Variants in NRXN3 observed in about 807,000 individuals in gnomAD.
NRXN3 encodes neurexin III.
In NRXN3, 32 loss-of-function variants were observed where a neutral mutation model predicts 137.6. That is an observed-to-expected ratio of 0.23 (90% CI 0.18 to 0.31). The LOEUF is 0.31. NRXN3 is among the 10% of genes least tolerant of loss of function. The pLI is 1.00. For synonymous variants in NRXN3, 798 were observed against 784.5 expected, an observed-to-expected ratio of 1.02 and a Z score of -0.29; for missense variants, 1,574 against 2,062.5, an observed-to-expected ratio of 0.76 and a Z score of 4.59.
intron 15 of NRXN3, chr14:79,281,642 T>C (rs1466289242): frequency 2.6e-5 from 4 of 152,082 alleles, no homozygotes; most frequent in Admixed American, 6.5e-5. Flanking sequence ...TGAACTGTTA[T>C]AAAGTAGCCT....
Position 78,943,616 on chromosome 14 carries a change from AAAAAAATATATAT to A in NRXN3, c.2276-13624_2276-13612del, listed in dbSNP as rs1255607034. Reference sequence around the variant, plus strand: ...AAAGAAGCAAGATCACTGTTAAAAAAAAAAAATATATATATATATATATATATATATATATATA... The same window carrying A: ...AAAGAAGCAAGATCACTGTTAAAAAAATATATATATATATATATATATATA... On this transcript the variant is annotated intron_variant, in intron 10 of 20. Coordinates refer to ENST00000335750, the MANE Select transcript of NRXN3 (RefSeq NM_001330195.2). Among the ~76,000 whole-genome samples the A allele has an allele frequency of 6.8e-4, 28 of 41,020 alleles. 1 individual carries two copies. The highest frequency in any genetic ancestry group is 2.3e-3 in the Admixed American group (9 of 3,844). The allele number at this position is 41,020 out of a possible 152,430, so 26.9% of individuals were successfully genotyped here. A position where few individuals can be genotyped will look rare whatever the true frequency, so the allele number is the denominator to read the frequency against.
Position 78,731,607 on chromosome 14 carries a change from A to ATG in NRXN3, c.2044+16488_2044+16489dup, listed in dbSNP as rs149686835. Among the ~76,000 whole-genome samples, 948 of 148,832 alleles carry ATG rather than the reference A, an allele frequency of 6.4e-3. 10 individuals are homozygous for ATG. The highest frequency in any genetic ancestry group is 0.019 in the African/African-American group (751 of 40,486). On this transcript the variant is annotated intron_variant, in intron 8 of 20. Coordinates refer to ENST00000335750, the MANE Select transcript of NRXN3 (RefSeq NM_001330195.2). ...TTATTTTGGGAATGTGTATATATAT[A>ATG]TGTGTGTGTGTGTGTGTGTGTCTCT... is the stretch of plus-strand genomic sequence containing the variant.
intron 9 of NRXN3, among the ~76,000 whole-genome samples, chr14:78,808,361 C>T (rs1184177908): frequency 6.6e-6 from 1 of 152,170 alleles, no homozygotes. Flanking sequence ...TATGCAGAAG[C>T]CGAAGACAAA....
At chr14:78,312,817 A>G (rs1007413884) in intron 4 of NRXN3, among the ~76,000 whole-genome samples, 2 of 152,208 alleles carry the variant, frequency 1.3e-5, no homozygotes, top group Non-Finnish European at 2.9e-5. Flanking sequence ...CAAGTGTCAA[A>G]GTCATTTGTA....
At chr14:78,508,863 A>T (rs2096051143) in intron 4 of NRXN3, among the ~76,000 whole-genome samples, 1 of 152,246 alleles carries the variant, frequency 6.6e-6, no homozygotes, top group Admixed American at 6.5e-5. Flanking sequence ...ACAATAAAAA[A>T]ATAGATTTTA....
At chr14:79,014,110 T>A (rs2099575397) in intron 15 of NRXN3, among the ~76,000 whole-genome samples, 1 of 152,182 alleles carries the variant, frequency 6.6e-6, no homozygotes, top group South Asian at 2.1e-4. Context: ...CCTCTCTTTT[T>A]TTAAACTTTT....
At position 78,601,317 on chromosome 14, in the gene NRXN3, C is replaced by T. The variant is rs552149471; in HGVS notation, c.758-43803C>T. Among the ~76,000 whole-genome samples, 11 of 152,270 alleles carry T rather than the reference C, an allele frequency of 7.2e-5. No homozygotes were observed. In the South Asian group the frequency reaches 2.3e-3, roughly 32 times the overall value. ...GAAGTTCTCAACTGATACCCAGAGC[C>T]ATTCTTTTTGGTCATATGCCAATTT... On this transcript the variant is annotated intron_variant, in intron 4 of 20. Transcript: ENST00000335750.
chr14:78,322,344 C>T (rs2079488003), intron 4 of NRXN3, among the ~76,000 whole-genome samples: 1 of 152,006 alleles, frequency 6.6e-6, no homozygotes, highest in African/African-American at 2.4e-5. Context: ...AAGGGGTGAT[C>T]ATTCCTCCTG....
chr14:79,346,860 CA>C (rs1480830754), intron 15 of NRXN3, among the ~76,000 whole-genome samples: 6 of 152,174 alleles, frequency 3.9e-5, no homozygotes, highest in African/African-American at 1.4e-4. Flanking sequence ...ACTTCAAGTT[CA>C]TGAGGTCTGT....
At chr14:79,467,772 G>C (rs957047669) in intron 16 of NRXN3, among the ~76,000 whole-genome samples, 1 of 152,112 alleles carries the variant, frequency 6.6e-6, no homozygotes, top group Non-Finnish European at 1.5e-5. Flanking sequence ...AATCTCCTAG[G>C]CTGGGATTTG....
intron 20 of NRXN3, among the ~76,000 whole-genome samples, chr14:79,857,414 G>A (rs2099405126): frequency 6.6e-6 from 1 of 152,020 alleles, no homozygotes; most frequent in African/African-American, 2.4e-5. Context: ...AGTAGAGATG[G>A]GGTTTCACCG....
At chr14:79,785,075 T>C (rs1315747126) in intron 19 of NRXN3, among the ~76,000 whole-genome samples, 1 of 152,192 alleles carries the variant, frequency 6.6e-6, no homozygotes, top group Non-Finnish European at 1.5e-5. Flanking sequence ...AGGTATTCCA[T>C]TCATCTCTGA....
At chr14:79,500,236 CAAAAA>C (rs34976297) in intron 16 of NRXN3, among the ~76,000 whole-genome samples, 2 of 88,420 alleles carry the variant, frequency 2.3e-5, no homozygotes, top group African/African-American at 8.1e-5. Context: ...AAAAAGAAGG[CAAAAA>C]AAAAAAAAAA....
At position 78,305,307 on chromosome 14, in the gene NRXN3, C is replaced by T. The variant is rs551696241; in HGVS notation, c.757+7447C>T. ...CTGATTTTTAAACCTTTAGGGCGGC[C>T]GGGCAGCAGGGGGATTTAGTTTCTT... On this transcript the variant is annotated intron_variant, in intron 4 of 20. Coordinates refer to ENST00000335750, the MANE Select transcript of NRXN3 (RefSeq NM_001330195.2). Among the ~76,000 whole-genome samples the T allele has an allele frequency of 1.1e-4, 17 of 152,132 alleles. No homozygotes were observed. In the East Asian group the frequency reaches 2.3e-3, roughly 21 times the overall value.
At chr14:79,857,271 G>C (rs913139686) in intron 20 of NRXN3, among the ~76,000 whole-genome samples, 3 of 152,114 alleles carry the variant, frequency 2.0e-5, no homozygotes, top group African/African-American at 7.2e-5. Context: ...GCCCAGGCTG[G>C]AGTGCAGTGG....
intron 19 of NRXN3, among the ~76,000 whole-genome samples, chr14:79,804,152 T>A (rs2099194041): frequency 6.6e-6 from 1 of 151,844 alleles, no homozygotes; most frequent in African/African-American, 2.4e-5. Flanking sequence ...ATTGGTCACA[T>A]GAAGAAGGGG....
chr14:79,062,377 T>C (rs984360764), intron 15 of NRXN3, among the ~76,000 whole-genome samples: 1 of 152,180 alleles, frequency 6.6e-6, no homozygotes, highest in Non-Finnish European at 1.5e-5. Flanking sequence ...GTTCCAGTTT[T>C]CTCTATGACT....
At chr14:78,651,719 C>A (rs2097745384) in intron 6 of NRXN3, among the ~76,000 whole-genome samples, 1 of 152,174 alleles carries the variant, frequency 6.6e-6, no homozygotes, top group African/African-American at 2.4e-5. Context: ...CAGAGGAACT[C>A]CTCTTTAATA....
At chr14:78,830,446 T>A (rs538654286) in intron 10 of NRXN3, among the ~76,000 whole-genome samples, 2 of 152,286 alleles carry the variant, frequency 1.3e-5, no homozygotes, top group East Asian at 3.9e-4. Context: ...AACATAGGAT[T>A]TCCAAAATTT....
Sources: allele counts gnomAD v4.1 joint callset (sites outside exome capture counted in the v4.1 genomes callset), GRCh38; gene constraint gnomAD v4.1.1; transcripts MANE v1.5; gene names NCBI Gene and HGNC (gene_info 2026-07-23, HGNC 2026-07-21).